Variants in LARGE1 observed in about 807,000 individuals in gnomAD.
LARGE1 encodes LARGE xylosyl- and glucuronyltransferase 1.
LARGE1 carries 43 observed loss-of-function variants against 87.6 expected under a neutral mutation model. The observed-to-expected ratio is 0.49, with a 90% confidence interval of 0.38 to 0.63. LARGE1 has a LOEUF of 0.63. Ranked by LOEUF, LARGE1 falls within the 30% of genes least tolerant of loss-of-function variation. LARGE1 has a pLI of 0.00. For synonymous variants in LARGE1, 434 were observed against 394.6 expected, an observed-to-expected ratio of 1.10 and a Z score of -1.18; for missense variants, 802 against 1,000.2, an observed-to-expected ratio of 0.80 and a Z score of 2.67.
intron 1 of LARGE1, among the ~76,000 whole-genome samples, chr22:33,837,280 A>C (rs940623956): frequency 7.0e-6 from 1 of 142,396 alleles, no homozygotes; most frequent in Non-Finnish European, 1.6e-5. Flanking sequence ...ACACACACAC[A>C]CCTATACATA....
intron 1 of LARGE1, among the ~76,000 whole-genome samples, chr22:33,788,829 G>A (rs2085731940): frequency 6.6e-6 from 1 of 152,188 alleles, no homozygotes; most frequent in Admixed American, 6.5e-5. Context: ...CTTGGGTGCT[G>A]TTAAAAGCAT....
chr22:33,726,663 C>T (rs755124973), intron 2 of LARGE1, among the ~76,000 whole-genome samples: 1 of 152,156 alleles, frequency 6.6e-6, no homozygotes, highest in East Asian at 1.9e-4. Context: ...TATTCTAATG[C>T]CAGATGTGCA....
intron 2 of LARGE1, among the ~76,000 whole-genome samples, chr22:33,688,830 A>G (rs1197057792): frequency 2.6e-5 from 4 of 151,852 alleles, no homozygotes; most frequent in Admixed American, 2.0e-4. Context: ...TGCTGTCCAT[A>G]ATGTGTCTAT....
chr22:33,217,115 A>T (rs1325425713), intron 11 of LARGE1, among the ~76,000 whole-genome samples: 1 of 152,184 alleles, frequency 6.6e-6, no homozygotes, highest in Non-Finnish European at 1.5e-5. Flanking sequence ...TATGCAAATG[A>T]AGCTCTCCCA....
chr22:33,909,282 T>C (rs115850315), intron 1 of LARGE1, among the ~76,000 whole-genome samples: 10,345 of 152,262 alleles, frequency 0.068, 511 homozygotes, highest in African/African-American at 0.13. Context: ...CAAGCCTCCC[T>C]GGGCTTCTGT....
chr22:33,550,837 T>C (rs1458046895), intron 6 of LARGE1, among the ~76,000 whole-genome samples: 2 of 152,190 alleles, frequency 1.3e-5, no homozygotes, highest in Non-Finnish European at 2.9e-5. Flanking sequence ...TACAGATGCA[T>C]ATCACAGTAC....
intron 7 of LARGE1, among the ~76,000 whole-genome samples, chr22:33,395,094 T>C (rs1031990809): frequency 1.3e-4 from 19 of 151,916 alleles, no homozygotes; most frequent in Non-Finnish European, 2.2e-4. Context: ...CCGGGCGTGG[T>C]GGCGGGCCCC....
At chr22:33,886,687 AAGGGAGGGAGGGAAGG>A (rs1348236467) in intron 1 of LARGE1, among the ~76,000 whole-genome samples, 2 of 140,944 alleles carry the variant, frequency 1.4e-5, no homozygotes, top group African/African-American at 5.1e-5. Context: ...AAAAAAAAGG[AAGGGAGGGAGGGAAGG>A]AGGGAGGGAG....
At position 33,420,798 on chromosome 22, in the gene LARGE1, G is replaced by A. The variant is rs182262893; in HGVS notation, c.892+11363C>T. Among the ~76,000 whole-genome samples the A allele has an allele frequency of 2.6e-5, 4 of 152,328 alleles. No homozygotes were observed. The East Asian group carries it at 7.7e-4, about 29-fold the overall frequency. On this transcript the variant is annotated intron_variant, in intron 7 of 14. Coordinates refer to ENST00000397394, the MANE Select transcript of LARGE1 (RefSeq NM_133642.5). ...CGTGGATGGTCAGCCCTGGGAGAAT[G>A]CTCAGCTCCAAATACCTTACCTGGG... is the stretch of plus-strand genomic sequence containing the variant.
intron 7 of LARGE1, among the ~76,000 whole-genome samples, chr22:33,412,113 G>A (rs954232389): frequency 1.3e-5 from 2 of 152,060 alleles, no homozygotes; most frequent in African/African-American, 4.8e-5. Flanking sequence ...GCAAAATCCC[G>A]TCTCTACTAA....
chr22:33,339,632 A>T (rs1043315787), intron 9 of LARGE1, among the ~76,000 whole-genome samples: 1 of 152,148 alleles, frequency 6.6e-6, no homozygotes, highest in Non-Finnish European at 1.5e-5. Context: ...AGACAGTTTG[A>T]TTGGAGAGAC....
At chr22:33,886,664 AAAAAAAAAAAG>A (rs1569013320) in intron 1 of LARGE1, among the ~76,000 whole-genome samples, 4 of 145,814 alleles carry the variant, frequency 2.7e-5, no homozygotes, top group Admixed American at 6.8e-5. Flanking sequence ...GCCAAAAAAA[AAAAAAAAAAAG>A]AAAAAAAAAG....
At chr22:33,622,809 G>A (rs9621731) in intron 4 of LARGE1, among the ~76,000 whole-genome samples, 1,578 of 152,310 alleles carry the variant, frequency 0.01, 30 homozygotes, top group African/African-American at 0.036. Context: ...CAGAATTTTC[G>A]TAGCACATAC....
chr22:33,124,395 A>AGGAAGGAAAGAAGGAAGGAAGGAAGG, the LARGE1 span, among the ~76,000 whole-genome samples: 20 of 148,126 alleles, frequency 1.4e-4, no homozygotes, highest in African/African-American at 3.7e-4. Context: ...GGAGGAAGGA[A>AGGAAGGAAAGAAGGAAGGAAGGAAGG]AATGATGGCT....
intron 11 of LARGE1, among the ~76,000 whole-genome samples, chr22:33,183,736 C>A (rs922085191): frequency 2.0e-5 from 3 of 151,846 alleles, no homozygotes; most frequent in Non-Finnish European, 4.4e-5. Flanking sequence ...ATAAACCAGA[C>A]ACAGAAAGGT....
chr22:33,624,905 A>G (rs2079874029), intron 4 of LARGE1, among the ~76,000 whole-genome samples: 1 of 152,212 alleles, frequency 6.6e-6, no homozygotes, highest in Admixed American at 6.5e-5. Flanking sequence ...AGTGAAAACT[A>G]TCTCAGAGGG....
intron 1 of LARGE1, among the ~76,000 whole-genome samples, chr22:33,829,872 C>T (rs1379264764): frequency 6.6e-6 from 1 of 152,154 alleles, no homozygotes; most frequent in Non-Finnish European, 1.5e-5. Context: ...CATTCTGAGC[C>T]AAGGAGCTCC....
intron 7 of LARGE1, among the ~76,000 whole-genome samples, chr22:33,396,091 A>G (rs1481256421): frequency 2.0e-5 from 3 of 152,214 alleles, no homozygotes; most frequent in Non-Finnish European, 4.4e-5. Context: ...TTTGCTCCTT[A>G]GTCCTTCAGT....
At chr22:33,614,744 C>T (rs1218382073) in intron 4 of LARGE1, among the ~76,000 whole-genome samples, 1 of 152,204 alleles carries the variant, frequency 6.6e-6, no homozygotes, top group Non-Finnish European at 1.5e-5. Context: ...TTTATTATCA[C>T]TGGAAATCTC....
Sources: gnomAD v4.1 joint callset for allele counts (sites outside exome capture counted in the v4.1 genomes callset) on GRCh38, gnomAD v4.1.1 for gene constraint, MANE v1.5 for transcripts, NCBI Gene and HGNC (gene_info 2026-07-23, HGNC 2026-07-21) for gene names.